CALHM4: variants seen among roughly 807,000 people sequenced by gnomAD.
The protein encoded by CALHM4 is calcium homeostasis modulator protein 4.
CALHM4 carries 16 observed loss-of-function variants against 13.3 expected under a neutral mutation model. That is an observed-to-expected ratio of 1.20 (90% CI 0.81 to 1.82). CALHM4 has a LOEUF of 1.82. CALHM4 is among the 40% of genes most tolerant of loss of function. The pLI is 0.00. For missense variants in CALHM4, 344 were observed against 374.9 expected (o/e 0.92, Z 0.68); for synonymous variants, 127 against 137.1 (o/e 0.93, Z 0.52).
chr6:116,559,257 C>A lies in CALHM4; in HGVS notation c.*1046C>A, dbSNP rs921700823. Among the ~76,000 whole-genome samples, 1 of 152,084 alleles carries A rather than the reference C, an allele frequency of 6.6e-6. No homozygotes were observed. Among genetic ancestry groups the A allele is most frequent in the Non-Finnish European group, 1.5e-5 (1 of 67,998 alleles). On this transcript the variant is annotated 3_prime_UTR_variant, in exon 2 of 2. Transcript: ENST00000368596. The stretch of plus-strand genomic sequence containing the variant: ...TTCACTGAAGCAACTTGCTCATTAG[C>A]AAAAATAAGTTGTCTGAGGGCATTC...
In CALHM4 at chr6:116,557,804, CT is replaced by C. The variant is rs779345523; in HGVS notation, c.559-16del. ...TGATGCATTGATACTTCCTGTTTTT[CT>C]TTTTAATAATGATGTGAAGATGCTG... On this transcript the variant is annotated intron_variant, in intron 1 of 1. Transcript: ENST00000368596. 7.5e-6 allele frequency: 12 copies of C among 1,594,516 alleles called. No individual in the cohort carries two copies. The African/African-American group carries it at 1.6e-4, about 22-fold the overall frequency.
In CALHM4 at chr6:116,558,191, G is replaced by A. The variant is rs1216291629; in HGVS notation, c.925G>A (p.Gly309Ser). 1.2e-6 allele frequency: 2 copies of A among 1,612,424 alleles called. No homozygotes were observed. Among genetic ancestry groups the A allele is most frequent in the South Asian group, 1.1e-5 (1 of 90,988 alleles). Residue 309 changes from glycine to serine, a missense_variant, in exon 2 of 2, where the codon GGT becomes AGT. Gly to Ser is a moderately conservative substitution (Grantham distance 56). Transcript: ENST00000368596. ...GGATAATGAGGAAGACAGATCAAGA[G>A]GTATTGAATTAAAACCTTGATTACA... ...DEDNEEDRSRGIELKP is the reference protein window; with the variant it reads ...DEDNEEDRSRSIELKP
At chr6:116,550,719 C>T (rs966558217), upstream of CALHM4, among the ~76,000 whole-genome samples, 7 of 151,950 alleles carry the variant, frequency 4.6e-5, no homozygotes, top group Non-Finnish European at 8.8e-5. Context: ...ATTATCTATG[C>T]GTTGGATTTC....
chr6:116,544,681 G>A (rs1436490916), intron 2 of CALHM4, among the ~76,000 whole-genome samples: 1 of 152,014 alleles, frequency 6.6e-6, no homozygotes, highest in Non-Finnish European at 1.5e-5. Context: ...TATATTTTTA[G>A]CACTTGAGAG....
intron 2 of CALHM4, among the ~76,000 whole-genome samples, chr6:116,544,151 A>AGAGAGAGAGAG (rs1554238329): frequency 7.5e-6 from 1 of 132,918 alleles, no homozygotes; most frequent in Non-Finnish European, 1.6e-5. Flanking sequence ...AAAGGTGAAG[A>AGAGAGAGAGAG]AGAGAGAGAG....
At chr6:116,536,934 G>A (rs551188699) in intron 1 of CALHM4, among the ~76,000 whole-genome samples, 5 of 152,306 alleles carry the variant, frequency 3.3e-5, no homozygotes, top group South Asian at 4.1e-4. Flanking sequence ...CAGGCCCGAC[G>A]TTTGGATGAA....
upstream of CALHM4, among the ~76,000 whole-genome samples, chr6:116,549,201 C>T (rs184092608): frequency 1.4e-4 from 21 of 152,264 alleles, no homozygotes; most frequent in Non-Finnish European, 1.9e-4. Context: ...GCAAGAGAAT[C>T]GCTTGAACCT....
chr6:116,545,685 G>GA (rs1354947157), intron 2 of CALHM4: 20 of 453,496 alleles, frequency 4.4e-5, no homozygotes, highest in Non-Finnish European at 7.0e-5. Flanking sequence ...GCTGAAGAGG[G>GA]AAAAAAACCA....
intron 1 of CALHM4, among the ~76,000 whole-genome samples, chr6:116,556,961 G>A: frequency 9.0e-6 from 1 of 111,296 alleles, no homozygotes; most frequent in African/African-American, 3.2e-5. Flanking sequence ...TTTTTTTTGA[G>A]ATGGAGTCTC....
At chr6:116,541,031 A>T (rs1368880204) in intron 1 of CALHM4, among the ~76,000 whole-genome samples, 1 of 152,104 alleles carries the variant, frequency 6.6e-6, no homozygotes, top group Non-Finnish European at 1.5e-5. Context: ...AAGTTCAGAA[A>T]ACTCATTTTT....
intron 1 of CALHM4, chr6:116,543,402 T>C (rs1773581489): frequency 6.5e-7 from 1 of 1,547,250 alleles, no homozygotes; most frequent in Non-Finnish European, 8.7e-7. Context: ...ATCTTTATTC[T>C]GGAGAAAAAG....
At chr6:116,553,714 G>A, upstream of CALHM4, 10 of 1,270,266 alleles carry the variant, frequency 7.9e-6, no homozygotes, top group Non-Finnish European at 1.1e-5. Flanking sequence ...AAACCAGTAA[G>A]ATCCCATAAA....
chr6:116,545,488 T>C (rs1317659865), intron 2 of CALHM4: 4 of 1,548,366 alleles, frequency 2.6e-6, no homozygotes. Flanking sequence ...TATGGTATTC[T>C]GGTCTTCGGT....
Position 116,560,722 on chromosome 6 carries a change from G to C in CALHM4, c.*2511G>C, listed in dbSNP as rs58703824. Among the ~76,000 whole-genome samples, 1 of 149,820 alleles carries C rather than the reference G, an allele frequency of 6.7e-6. No individual in the cohort carries two copies. Among genetic ancestry groups the C allele is most frequent in the Admixed American group, 6.7e-5 (1 of 15,018 alleles). ...TAGTTAAATGAAACTTTTTCATTAA[G>C]AACATGGTACTCCCTCCCCTTTATG... On this transcript the variant is annotated 3_prime_UTR_variant, in exon 2 of 2. Transcript: ENST00000368596.
upstream of CALHM4, among the ~76,000 whole-genome samples, chr6:116,552,534 T>TTCTTTG (rs1329706930): frequency 2.6e-5 from 4 of 152,194 alleles, no homozygotes; most frequent in Admixed American, 1.3e-4. Context: ...ATTATTTTAT[T>TTCTTTG]TCTTTGTCTG....
intron 1 of CALHM4, among the ~76,000 whole-genome samples, chr6:116,529,866 A>C (rs918897391): frequency 1.3e-5 from 2 of 152,202 alleles, no homozygotes; most frequent in African/African-American, 4.8e-5. Flanking sequence ...CCTATACCAT[A>C]AAGTAAGTTG....
intron 1 of CALHM4, among the ~76,000 whole-genome samples, chr6:116,537,125 GC>G (rs1442410882): frequency 6.6e-6 from 1 of 152,202 alleles, no homozygotes; most frequent in African/African-American, 2.4e-5. Context: ...GGTGCAAAGA[GC>G]AGGGACAGTT....
At chr6:116,556,339 G>A (rs1583318102) in intron 1 of CALHM4, among the ~76,000 whole-genome samples, 1 of 152,142 alleles carries the variant, frequency 6.6e-6, no homozygotes, top group African/African-American at 2.4e-5. Context: ...TAGAGAAAAT[G>A]AATGCATCTT....
intron 1 of CALHM4, among the ~76,000 whole-genome samples, chr6:116,537,942 TA>T (rs1174083988): frequency 1.3e-5 from 2 of 152,206 alleles, no homozygotes; most frequent in South Asian, 4.1e-4. Flanking sequence ...TTCCTGTGGC[TA>T]ATAGAGAATG....
Sources: gnomAD v4.1 joint callset for allele counts (sites outside exome capture counted in the v4.1 genomes callset) on GRCh38, gnomAD v4.1.1 for gene constraint, MANE v1.5 for transcripts, NCBI Gene and HGNC (gene_info 2026-07-23, HGNC 2026-07-21) for gene names.